Variants in GRM7 observed in about 807,000 individuals in gnomAD.
GRM7 encodes metabotropic glutamate receptor 7.
Under a neutral mutation model 84.5 loss-of-function variants are expected in GRM7, and 35 were observed. That is an observed-to-expected ratio of 0.41 (90% CI 0.32 to 0.55). The LOEUF (loss-of-function observed/expected upper bound fraction) is 0.55, where lower values mean the gene tolerates loss of function less well. Ranked by LOEUF, GRM7 falls within the 20% of genes least tolerant of loss-of-function variation. GRM7 has a pLI of 0.19. For synonymous variants in GRM7, 487 were observed against 455.1 expected, an observed-to-expected ratio of 1.07 and a Z score of -0.89; for missense variants, 1,003 against 1,194.6, an observed-to-expected ratio of 0.84 and a Z score of 2.36.
intron 7 of GRM7, among the ~76,000 whole-genome samples, chr3:7,529,641 A>T (rs1700950492): frequency 6.6e-6 from 1 of 152,036 alleles, no homozygotes; most frequent in Non-Finnish European, 1.5e-5. Flanking sequence ...TGCCTGTATG[A>T]TTCCCTGAAT....
At chr3:7,434,803 A>C (rs887261155) in intron 5 of GRM7, among the ~76,000 whole-genome samples, 2 of 151,334 alleles carry the variant, frequency 1.3e-5, no homozygotes, top group African/African-American at 4.9e-5. Context: ...TGCTGGACAC[A>C]AAAAAATGAG....
At position 7,705,769 on chromosome 3, in the gene GRM7, C is replaced by A. The variant is rs564741207; in HGVS notation, c.2698+25474C>A. On this transcript the variant is annotated intron_variant, in intron 9 of 9. Transcript: ENST00000357716. The stretch of plus-strand genomic sequence containing the variant: ...AGAAAAAGCCTGGGAAATTAATATA[C>A]ATCAAGTGGCACCAATATTTGCAGA... Among the ~76,000 whole-genome samples, 6 of 152,300 alleles carry A rather than the reference C, an allele frequency of 3.9e-5. No individual in the cohort carries two copies. The East Asian group carries it at 9.6e-4, about 24-fold the overall frequency.
At chr3:7,019,392 T>C (rs1364800439) in intron 1 of GRM7, among the ~76,000 whole-genome samples, 6 of 152,212 alleles carry the variant, frequency 3.9e-5, no homozygotes, top group Non-Finnish European at 2.9e-5. Flanking sequence ...TCCGCTATTA[T>C]AGTCTCATAC....
Position 7,695,412 on chromosome 3 carries a change from C to A in GRM7, c.2698+15117C>A, listed in dbSNP as rs529983547. 2.9e-4 allele frequency among the ~76,000 whole-genome samples: 44 copies of A among 152,304 alleles called. 1 individual carries two copies. In the South Asian group the frequency reaches 8.3e-3, roughly 29 times the overall value. On this transcript the variant is annotated intron_variant, in intron 9 of 9. Coordinates refer to ENST00000357716, the MANE Select transcript of GRM7 (RefSeq NM_000844.4). ...TCTTATGCAATCATTTCAAGGCACTCAGCCGAGGAAGTCTACATTTTTTTT... is the reference window on the plus strand; with the variant it reads ...TCTTATGCAATCATTTCAAGGCACTAAGCCGAGGAAGTCTACATTTTTTTT...
At chr3:6,890,830 G>A (rs1383383761) in intron 1 of GRM7, among the ~76,000 whole-genome samples, 1 of 151,996 alleles carries the variant, frequency 6.6e-6, no homozygotes, top group Non-Finnish European at 1.5e-5. Flanking sequence ...TTGACAGTGG[G>A]GTGTTAAAGT....
chr3:7,606,546 TG>T (rs1248802067), intron 8 of GRM7, among the ~76,000 whole-genome samples: 6 of 152,134 alleles, frequency 3.9e-5, no homozygotes, highest in East Asian at 1.9e-4. Context: ...TTTTTCTTTT[TG>T]GGGGGACAAG....
chr3:7,508,893 C>T (rs758759351), intron 7 of GRM7, among the ~76,000 whole-genome samples: 8 of 152,092 alleles, frequency 5.3e-5, no homozygotes, highest in Non-Finnish European at 8.8e-5. Context: ...CATTGGCAAG[C>T]GAAGACTAGA....
intron 1 of GRM7, among the ~76,000 whole-genome samples, chr3:7,145,830 A>C (rs954881937): frequency 2.0e-4 from 30 of 152,312 alleles, no homozygotes; most frequent in Admixed American, 1.4e-3. Flanking sequence ...GAAAATTTTG[A>C]GGAAAGCCTG....
At chr3:7,387,333 C>A (rs767572022) in intron 4 of GRM7, among the ~76,000 whole-genome samples, 19 of 152,026 alleles carry the variant, frequency 1.2e-4, no homozygotes, top group Non-Finnish European at 2.2e-4. Flanking sequence ...GTTCCATTTC[C>A]TTTTGGGGTT....
intron 4 of GRM7, among the ~76,000 whole-genome samples, chr3:7,399,268 G>T (rs765188339): frequency 2.0e-4 from 31 of 151,950 alleles, no homozygotes; most frequent in Non-Finnish European, 3.4e-4. Context: ...CTAAGCTCTA[G>T]ATCCAATCAC....
chr3:6,908,321 T>C (rs1346541843), intron 1 of GRM7, among the ~76,000 whole-genome samples: 1 of 152,224 alleles, frequency 6.6e-6, no homozygotes, highest in East Asian at 1.9e-4. Context: ...TTAATAATGA[T>C]GAAAAGAATA....
intron 1 of GRM7, among the ~76,000 whole-genome samples, chr3:7,083,685 A>G (rs9875215): frequency 0.19 from 28,671 of 152,138 alleles, 2,769 homozygotes; most frequent in Middle Eastern, 0.25. Flanking sequence ...TCTAGTGATG[A>G]TCAAACTGGG....
At chr3:7,527,640 G>A (rs1264738639) in intron 7 of GRM7, among the ~76,000 whole-genome samples, 1 of 151,702 alleles carries the variant, frequency 6.6e-6, no homozygotes, top group Non-Finnish European at 1.5e-5. Context: ...ATCTGTTGCT[G>A]TTGTAGTATG....
At chr3:7,163,997 C>T (rs1454270851) in intron 2 of GRM7, among the ~76,000 whole-genome samples, 1 of 152,152 alleles carries the variant, frequency 6.6e-6, no homozygotes, top group Non-Finnish European at 1.5e-5. Flanking sequence ...TTTTGTAAAG[C>T]CCCTGTGATA....
At chr3:6,952,349 T>C (rs116188075) in intron 1 of GRM7, among the ~76,000 whole-genome samples, 11,005 of 152,212 alleles carry the variant, frequency 0.072, 541 homozygotes, top group Non-Finnish European at 0.11. Context: ...TAAACCTTGT[T>C]TTTTCTGATT....
intron 9 of GRM7, among the ~76,000 whole-genome samples, chr3:7,722,723 T>G (rs1163693141): frequency 6.6e-6 from 1 of 152,134 alleles, no homozygotes; most frequent in Non-Finnish European, 1.5e-5. Flanking sequence ...ATTACAGGTG[T>G]GAGCCACCAC....
chr3:7,101,311 A>T (rs530202608), intron 1 of GRM7, among the ~76,000 whole-genome samples: 47 of 151,716 alleles, frequency 3.1e-4, no homozygotes, highest in African/African-American at 1.1e-3. Flanking sequence ...ATGGGTGGAT[A>T]TTTATATCTC....
intron 8 of GRM7, among the ~76,000 whole-genome samples, chr3:7,605,913 G>A (rs964359632): frequency 3.3e-5 from 5 of 152,036 alleles, no homozygotes; most frequent in African/African-American, 1.2e-4. Flanking sequence ...TAAATCTATG[G>A]GCTTCTCCGT....
At chr3:6,956,405 A>C (rs1182300211) in intron 1 of GRM7, among the ~76,000 whole-genome samples, 1 of 152,202 alleles carries the variant, frequency 6.6e-6, no homozygotes, top group Non-Finnish European at 1.5e-5. Context: ...TAATCATTAC[A>C]GAGAAGCCCT....
Sources: allele counts gnomAD v4.1 joint callset (sites outside exome capture counted in the v4.1 genomes callset), GRCh38; gene constraint gnomAD v4.1.1; transcripts MANE v1.5; gene names NCBI Gene and HGNC (gene_info 2026-07-23, HGNC 2026-07-21).